Variants in C2orf80 observed in about 807,000 individuals in gnomAD.
The protein encoded by C2orf80 is uncharacterized protein C2orf80.
A neutral mutation model predicts 30.2 loss-of-function variants in C2orf80; 28 were observed. That is an observed-to-expected ratio of 0.93 (90% confidence interval 0.69 to 1.27). The LOEUF (loss-of-function observed/expected upper bound fraction) is 1.27. C2orf80 is among the 50% of genes most tolerant of loss of function. The pLI, the probability that C2orf80 is intolerant of heterozygous loss-of-function variation, is 0.00. For synonymous variants in C2orf80, 80 were observed against 76.4 expected, an observed-to-expected ratio of 1.05 and a Z score of -0.24; for missense variants, 220 against 231.0, an observed-to-expected ratio of 0.95 and a Z score of 0.31.
intron 6 of C2orf80, among the ~76,000 whole-genome samples, chr2:208,177,082 AT>A (rs1424518715): frequency 2.3e-3 from 324 of 140,532 alleles, no homozygotes; most frequent in African/African-American, 8.4e-3. Flanking sequence ...TATATAGATA[AT>A]GTATACATAT....
chr2:208,170,851 T>C (rs963255770), intron 8 of C2orf80, 94 bp downstream of exon 8: 3 of 964,258 alleles, frequency 3.1e-6, no homozygotes, highest in Admixed American at 3.8e-5. Flanking sequence ...CCAGAGCACC[T>C]GACTCCAAAG....
chr2:208,176,571 G>T (rs1013804193), intron 6 of C2orf80, among the ~76,000 whole-genome samples: 5 of 152,174 alleles, frequency 3.3e-5, no homozygotes, highest in African/African-American at 1.2e-4. Flanking sequence ...GACAGCCCCA[G>T]AACTCCATTC....
At chr2:208,179,830 C>T (rs761963312) in intron 6 of C2orf80, among the ~76,000 whole-genome samples, 2 of 151,934 alleles carry the variant, frequency 1.3e-5, no homozygotes, top group South Asian at 4.1e-4. Context: ...GCTGCTTCTA[C>T]TGTTAATGAT....
intron 6 of C2orf80, among the ~76,000 whole-genome samples, chr2:208,177,312 T>G (rs1222496610): frequency 1.3e-5 from 2 of 151,390 alleles, no homozygotes; most frequent in African/African-American, 4.9e-5. Context: ...GAGGCTGAGG[T>G]GGGTGGATCA....
At chr2:208,174,203 C>T (rs776307109) in intron 6 of C2orf80, among the ~76,000 whole-genome samples, 2 of 152,142 alleles carry the variant, frequency 1.3e-5, no homozygotes, top group Non-Finnish European at 2.9e-5. Context: ...ATTCTCCTGC[C>T]TCAGCCTCTT....
At chr2:208,182,912 A>G (rs997637080) in intron 4 of C2orf80, 53 bp downstream of exon 4, 4 of 1,401,938 alleles carry the variant, frequency 2.9e-6, no homozygotes, top group Admixed American at 1.7e-5. Context: ...TTCCTCTATC[A>G]TTAATCATAG....
chr2:208,178,893 G>A (rs1337801662), intron 6 of C2orf80, among the ~76,000 whole-genome samples: 1 of 152,074 alleles, frequency 6.6e-6, no homozygotes, highest in African/African-American at 2.4e-5. Flanking sequence ...TGGTAGTTGG[G>A]ATTACAGGCG....
At position 208,184,955 on chromosome 2, in the gene C2orf80, T is replaced by A. The variant is rs1351909759; in HGVS notation, c.119A>T (p.Asp40Val). The A allele has an allele frequency of 6.2e-7, 1 of 1,613,016 alleles. No individual in the cohort carries two copies. Among genetic ancestry groups the A allele is most frequent in the East Asian group, 2.2e-5 (1 of 44,892 alleles). The change falls in exon 3 of 9, where the codon GAT (aspartate) becomes GTT (valine). Residue 40 changes from aspartate (D) to valine (V), a missense_variant. Transcript: ENST00000341287. ...KGRRQLTFLD[D>V]MAHYDLAISV... ...CATCAGCGTGCCTTTCTTTACCATA[T>A]CATCTAGAAAGGTGAGTTGCCGTCT...
intron 6 of C2orf80, among the ~76,000 whole-genome samples, chr2:208,172,332 A>G (rs1019743380): frequency 5.3e-5 from 8 of 152,108 alleles, no homozygotes; most frequent in Non-Finnish European, 1.2e-4. Context: ...GACACTCTTC[A>G]CATAGTTCCC....
chr2:208,189,869 C>T (rs1696825617), intron 1 of C2orf80, 84 bp downstream of exon 1: 1 of 696,448 alleles, frequency 1.4e-6, no homozygotes, highest in Admixed American at 2.1e-5. Flanking sequence ...TTCCCTGCTG[C>T]ACACCTGCAA....
intron 6 of C2orf80, among the ~76,000 whole-genome samples, chr2:208,175,385 A>C (rs377289442): frequency 1.3e-5 from 2 of 152,138 alleles, no homozygotes; most frequent in Admixed American, 1.3e-4. Context: ...AATTTTTTCT[A>C]TGAGTCCAGA....
Position 208,171,606 on chromosome 2 carries a change from C to A in C2orf80, c.454+382G>T, listed in dbSNP as rs1251353894. Reference sequence around the variant, plus strand: ...AAAGTGCTGGGATTACAGGCATGAGCCACTGTGCCCGGCTTATTTTTGTAG... The same window carrying A: ...AAAGTGCTGGGATTACAGGCATGAGACACTGTGCCCGGCTTATTTTTGTAG... On this transcript the variant is annotated intron_variant, in intron 7 of 8. Coordinates refer to ENST00000341287, the MANE Select transcript of C2orf80 (RefSeq NM_001099334.3). Among the ~76,000 whole-genome samples the A allele has an allele frequency of 2.0e-5, 3 of 152,184 alleles. No individual in the cohort carries two copies. The East Asian group carries it at 5.8e-4, about 29-fold the overall frequency.
intron 2 of C2orf80, 82 bp downstream of exon 2, chr2:208,186,864 T>A: frequency 8.2e-7 from 1 of 1,223,944 alleles, no homozygotes; most frequent in Non-Finnish European, 1.2e-6. Flanking sequence ...TTTTACCCAC[T>A]GCCAATACCC....
At chr2:208,176,337 G>A (rs1002545981) in intron 6 of C2orf80, among the ~76,000 whole-genome samples, 15 of 152,110 alleles carry the variant, frequency 9.9e-5, no homozygotes, top group African/African-American at 3.1e-4. Flanking sequence ...CACCACACCC[G>A]GCTAATTTTT....
At chr2:208,177,758 G>T (rs1696410021) in intron 6 of C2orf80, among the ~76,000 whole-genome samples, 1 of 152,148 alleles carries the variant, frequency 6.6e-6, no homozygotes, top group South Asian at 2.1e-4. Flanking sequence ...GGTAGAGATT[G>T]GTTGGTCCAC....
Position 208,183,203 on chromosome 2 carries a change from A to AC in C2orf80, c.124-157_124-156insG, listed in dbSNP as rs776573489. Among the ~76,000 whole-genome samples the AC allele has an allele frequency of 2.7e-5, 4 of 145,614 alleles. No individual in the cohort carries two copies. The Admixed American group carries it at 2.8e-4, about 10-fold the overall frequency. ...CTTTAATAACCTGATGCTCGGCCAGATTTTTTTTTTTTTTTCTGAGACCTC... is the reference window on the plus strand; with the variant it reads ...CTTTAATAACCTGATGCTCGGCCAGACTTTTTTTTTTTTTTTCTGAGACCTC... On this transcript the variant is annotated intron_variant, in intron 3 of 8. Transcript: ENST00000341287.
chr2:208,176,868 T>G (rs1559340021), intron 6 of C2orf80, among the ~76,000 whole-genome samples: 3 of 142,998 alleles, frequency 2.1e-5, no homozygotes, highest in Admixed American at 7.0e-5. Flanking sequence ...ATATACTATA[T>G]ATACATATGT....
Position 208,180,765 on chromosome 2 carries a change from C to G in C2orf80, c.346G>C (p.Ala116Pro). The change falls in exon 6 of 9, where the codon GCC becomes CCC. Residue 116 changes from alanine to proline, a missense_variant. By Grantham distance (27) the Ala-to-Pro change is conservative (BLOSUM62 -1). Transcript: ENST00000341287. Reference sequence around the variant, plus strand: ...CTTACCTTGATGGTACCAGAATCGGCAGAAGAATCAGCCCCATAAATTTTA... The same window carrying G: ...CTTACCTTGATGGTACCAGAATCGGGAGAAGAATCAGCCCCATAAATTTTA... ...VFKIYGADSSADSGTIKVPRV... is the reference protein window; with the variant it reads ...VFKIYGADSSPDSGTIKVPRV... 6.2e-7 allele frequency: 1 copy of G among 1,613,596 alleles called. No individual in the cohort carries two copies. The highest frequency in any genetic ancestry group is 8.5e-7 in the Non-Finnish European group (1 of 1,179,716).
Position 208,176,950 on chromosome 2 carries a change from T to TATGTATACAGATCTGTACAG in C2orf80, c.366+3794_366+3795insCTGTACAGATCTGTATACAT. On this transcript the variant is annotated intron_variant, in intron 6 of 8. Coordinates refer to ENST00000341287, the MANE Select transcript of C2orf80 (RefSeq NM_001099334.3). The stretch of plus-strand genomic sequence containing the variant: ...ACATATGTATACATATCTGTATACA[T>TATGTATACAGATCTGTACAG]ATCTGTATACATATGTATACATATA... 1.2e-4 allele frequency among the ~76,000 whole-genome samples: 4 copies of TATGTATACAGATCTGTACAG among 32,860 alleles called. 1 individual carries two copies. Among genetic ancestry groups the TATGTATACAGATCTGTACAG allele is most frequent in the Non-Finnish European group, 2.4e-4 (4 of 17,002 alleles). The allele number at this position is 32,860 out of a possible 152,430, so 21.6% of individuals were successfully genotyped here.
Sources: allele counts gnomAD v4.1 joint callset (sites outside exome capture counted in the v4.1 genomes callset), GRCh38; gene constraint gnomAD v4.1.1; transcripts MANE v1.5; gene names NCBI Gene and HGNC (gene_info 2026-07-23, HGNC 2026-07-21).